Variants in NLRC5 observed in about 807,000 individuals in gnomAD.
The protein encoded by NLRC5 is protein NLRC5.
A neutral mutation model predicts 206.9 loss-of-function variants in NLRC5; 114 were observed. That is an observed-to-expected ratio of 0.55 (90% confidence interval 0.47 to 0.64). The LOEUF is 0.64. Ranked by LOEUF, NLRC5 falls within the 30% of genes least tolerant of loss-of-function variation. NLRC5 has a pLI of 0.00. For missense variants in NLRC5, 2,008 were observed against 2,305.5 expected (o/e 0.87, Z 2.64); for synonymous variants, 952 against 962.8 (o/e 0.99, Z 0.21).
At chr16:57,027,272 G>C (rs1435548432) in intron 6 of NLRC5, among the ~76,000 whole-genome samples, 4 of 152,196 alleles carry the variant, frequency 2.6e-5, no homozygotes, top group Non-Finnish European at 5.9e-5. Flanking sequence ...GATCCAGGCT[G>C]TCTATAGAGG....
At chr16:57,058,669 G>A (rs1227012673) in intron 28 of NLRC5, among the ~76,000 whole-genome samples, 6 of 152,196 alleles carry the variant, frequency 3.9e-5, no homozygotes, top group Admixed American at 2.6e-4. Context: ...CTTCGTGCTC[G>A]GGAGTCCTTG....
chr16:57,067,763 C>A lies in NLRC5; in HGVS notation c.4434C>A (p.Asp1478Glu), dbSNP rs376355233. 1 of 1,614,048 alleles carries A rather than the reference C, an allele frequency of 6.2e-7. No homozygotes were observed. The highest frequency in any genetic ancestry group is 1.3e-5 in the African/African-American group (1 of 74,914). ...LSLSQVNLCE[D>E]DDASSLLLQS... ...TGTCTCAGGTTAACCTCTGTGAGGACGATGATGCCAGTTCCCTGCTGCTGC... is the reference window on the plus strand; with the variant it reads ...TGTCTCAGGTTAACCTCTGTGAGGAAGATGATGCCAGTTCCCTGCTGCTGC... Residue 1478 changes from aspartate (D) to glutamate (E), a missense_variant, in exon 36 of 49, where the codon GAC becomes GAA. By Grantham distance (45) the Asp-to-Glu change is conservative. Transcript: ENST00000688547.
intron 5 of NLRC5, 118 bp from the exon 6 acceptor site, chr16:57,025,250 C>T: frequency 6.8e-7 from 1 of 1,460,492 alleles, no homozygotes; most frequent in Non-Finnish European, 9.0e-7. Flanking sequence ...CCCACCCTCA[C>T]CCCATCATAC....
Position 57,074,583 on chromosome 16 carries a change from G to A in NLRC5, c.4668-17G>A. ...CCACCCCCAGATGTCAAGTTCACCT[G>A]GCCTCCTCTTCTCCAGCCTCAGTCA... is the stretch of plus-strand genomic sequence containing the variant. On this transcript the variant is annotated splice_polypyrimidine_tract_variant and intron_variant, in intron 38 of 48. Transcript: ENST00000688547. The A allele has an allele frequency of 1.9e-6, 3 of 1,612,880 alleles. No homozygotes were observed. Among genetic ancestry groups the A allele is most frequent in the Non-Finnish European group, 2.5e-6 (3 of 1,178,984 alleles).
intron 32 of NLRC5, among the ~76,000 whole-genome samples, chr16:57,063,276 C>G (rs1427599043): frequency 6.6e-6 from 1 of 151,884 alleles, no homozygotes; most frequent in Non-Finnish European, 1.5e-5. Context: ...CCACACCCAG[C>G]TAATTTTTTT....
rs979233153 is a variant in NLRC5 at position 57,060,010 on chromosome 16, C to T, written c.3986+478C>T. On this transcript the variant is annotated intron_variant, in intron 30 of 48. Transcript: ENST00000688547. ...GTCTGGCTCATGGGAGTGCTGTCAG[C>T]AGTTATTGTAACTGTTATTATTATT... Among the ~76,000 whole-genome samples the T allele has an allele frequency of 2.7e-5, 4 of 148,670 alleles. No individual in the cohort carries two copies. The East Asian group carries it at 7.8e-4, about 29-fold the overall frequency.
chr16:57,022,722 CG>C (rs1194764532), intron 4 of NLRC5, among the ~76,000 whole-genome samples: 1 of 152,246 alleles, frequency 6.6e-6, no homozygotes, highest in Non-Finnish European at 1.5e-5. Flanking sequence ...CTGTCTTCAG[CG>C]GGGGAGCCTT....
At chr16:57,069,094 T>C (rs2067361921) in intron 36 of NLRC5, among the ~76,000 whole-genome samples, 1 of 152,252 alleles carries the variant, frequency 6.6e-6, no homozygotes, top group African/African-American at 2.4e-5. Flanking sequence ...GTCTCTCCAC[T>C]TGCAAATTTA....
rs565749820 is a variant in NLRC5 at position 57,018,257 on chromosome 16, A to G, written c.-13+1069A>G. On this transcript the variant is annotated intron_variant, in intron 2 of 48. Coordinates refer to ENST00000688547, the MANE Select transcript of NLRC5 (RefSeq NM_001384950.1). Reference sequence around the variant, plus strand: ...CCACATCCTTTTGCCGAGATCACACAAAATCCAGGGACTTAGCCTTGTCTG... The same window carrying G: ...CCACATCCTTTTGCCGAGATCACACGAAATCCAGGGACTTAGCCTTGTCTG... Among the ~76,000 whole-genome samples, 3 of 152,342 alleles carry G rather than the reference A, an allele frequency of 2.0e-5. No homozygotes were observed. The South Asian group carries it at 6.2e-4, about 32-fold the overall frequency.
rs201051347 is a variant in NLRC5, at chr16:57,036,170, G to A, written c.2698G>A (p.Ala900Thr). ...AGAGGCTGCATCCCAGCTGCACATC[G>A]CCAGGAAGCTGGAGTGAGTTGTCCA... ...MAEAASQLHI[A>T]RKLDLSNNGL... The change falls in exon 14 of 49, where the codon GCC becomes ACC. Residue 900 changes from alanine (A) to threonine (T), a missense_variant. Ala to Thr is a moderately conservative substitution (Grantham distance 58). Transcript: ENST00000688547. The A allele has an allele frequency of 1.9e-5, 31 of 1,613,086 alleles. No homozygotes were observed. The highest frequency in any genetic ancestry group is 3.3e-5 in the Admixed American group (2 of 59,992).
intron 15 of NLRC5, among the ~76,000 whole-genome samples, chr16:57,038,866 C>A (rs1347355208): frequency 4.8e-5 from 7 of 147,336 alleles, no homozygotes; most frequent in African/African-American, 1.8e-4. Flanking sequence ...ACCTGGGAGG[C>A]GGAGGTTGCA....
intron 1 of NLRC5, among the ~76,000 whole-genome samples, chr16:57,002,440 GC>G: frequency 6.6e-6 from 1 of 151,836 alleles, no homozygotes; most frequent in Admixed American, 6.6e-5. Flanking sequence ...GAGCTGCCGT[GC>G]CCAGCTGCCA....
At chr16:57,077,823 C>T (rs1379010708) in intron 42 of NLRC5, 21 bp downstream of exon 42, 10 of 1,589,566 alleles carry the variant, frequency 6.3e-6, no homozygotes, top group South Asian at 1.1e-5. Flanking sequence ...GCCCAGGTGG[C>T]CTCTGCCCTC....
intron 1 of NLRC5, among the ~76,000 whole-genome samples, chr16:57,011,721 A>C (rs1345911116): frequency 2.8e-4 from 1 of 3,516 alleles, no homozygotes; most frequent in Non-Finnish European, 0.017. Flanking sequence ...ACCCTGTGTC[A>C]AAAAAAAAAA....
At position 57,026,300 on chromosome 16, in the gene NLRC5, C is replaced by T. The variant is rs1221707723; in HGVS notation, c.1357C>T (p.Pro453Ser). The change falls in exon 6 of 49, where the codon CCC (proline) becomes TCC (serine). Residue 453 changes from proline to serine, a missense_variant. Physicochemically the swap from Pro to Ser is moderately conservative, Grantham distance 74 (BLOSUM62 -1). Transcript: ENST00000688547. ...VLALSPPGHL[P>S]TSSLLDLGEV... ...CGCCCTCAGCCCCCCTGGGCACTTGCCCACCTCGTCCCTACTGGACCTGGG... is the reference window on the plus strand; with the variant it reads ...CGCCCTCAGCCCCCCTGGGCACTTGTCCACCTCGTCCCTACTGGACCTGGG... 4.3e-6 allele frequency: 7 copies of T among 1,613,930 alleles called. No individual in the cohort carries two copies. Among genetic ancestry groups the T allele is most frequent in the Non-Finnish European group, 5.9e-6 (7 of 1,180,050 alleles).
At chr16:57,056,809 C>A (rs2065730855) in intron 27 of NLRC5, among the ~76,000 whole-genome samples, 1 of 152,008 alleles carries the variant, frequency 6.6e-6, no homozygotes, top group Non-Finnish European at 1.5e-5. Context: ...CAGGCATGAG[C>A]CACCATGCCT....
At chr16:57,013,342 T>TG in intron 1 of NLRC5, 1 of 607,524 alleles carries the variant, frequency 1.6e-6, no homozygotes, top group South Asian at 1.6e-5. Context: ...TCATAGATTT[T>TG]AAAATACTTC....
intron 1 of NLRC5, among the ~76,000 whole-genome samples, chr16:57,006,991 A>G (rs763095557): frequency 2.6e-5 from 4 of 151,478 alleles, no homozygotes; most frequent in Non-Finnish European, 4.4e-5. Flanking sequence ...ATCATCTTGT[A>G]TTTCTCTTCC....
chr16:57,063,305 A>G (rs577590034), intron 32 of NLRC5, among the ~76,000 whole-genome samples: 2 of 151,342 alleles, frequency 1.3e-5, no homozygotes, highest in Admixed American at 6.6e-5. Context: ...TTGTAGAGAC[A>G]GGGTTTCACC....
Sources: gnomAD v4.1 joint callset for allele counts (sites outside exome capture counted in the v4.1 genomes callset) on GRCh38, gnomAD v4.1.1 for gene constraint, MANE v1.5 for transcripts, NCBI Gene and HGNC (gene_info 2026-07-23, HGNC 2026-07-21) for gene names.